The following SSH1 variants were observed in gnomAD, a reference collection of about 807,000 sequenced individuals.
The protein encoded by SSH1 is protein phosphatase Slingshot homolog 1.
In SSH1, 43 loss-of-function variants were observed where a neutral mutation model predicts 79.7. That is an observed-to-expected ratio of 0.54 (90% CI 0.42 to 0.70). The LOEUF (loss-of-function observed/expected upper bound fraction) is 0.70, where lower values mean the gene tolerates loss of function less well. Ranked by LOEUF, SSH1 falls within the 30% of genes least tolerant of loss-of-function variation. The probability of loss-of-function intolerance (pLI) is 0.00; values close to 1 mark genes in which losing one functional copy is unlikely to be tolerated. For missense variants in SSH1, 1,206 were observed against 1,358.8 expected, an observed-to-expected ratio of 0.89 and a Z score of 1.77; for synonymous variants, 599 against 538.3, an observed-to-expected ratio of 1.11 and a Z score of -1.56.
Position 108,817,024 on chromosome 12 carries a change from C to T in SSH1, c.401+14G>A. On this transcript the variant is annotated intron_variant, in intron 5 of 14. Coordinates refer to ENST00000326495, the MANE Select transcript of SSH1 (RefSeq NM_018984.4). ...CTCCCTCACAGAAGGGAACACCTAGCCCATCAGACTCACCTTTCCTTACTG... is the reference window on the plus strand; with the variant it reads ...CTCCCTCACAGAAGGGAACACCTAGTCCATCAGACTCACCTTTCCTTACTG... 1 of 1,613,770 alleles carries T rather than the reference C, an allele frequency of 6.2e-7. No homozygotes were observed.
chr12:108,802,434 G>T, intron 10 of SSH1, 66 bp from the exon 11 acceptor site: 1 of 1,488,996 alleles, frequency 6.7e-7, no homozygotes, highest in Non-Finnish European at 9.4e-7. Context: ...CTCAGGGGAT[G>T]CATGGTTTGC....
At chr12:108,818,451 C>G in intron 3 of SSH1, 138 bp from the exon 4 acceptor site, 1 of 718,202 alleles carries the variant, frequency 1.4e-6, no homozygotes, top group South Asian at 1.6e-5. Context: ...AGGAGAATCA[C>G]CACAAAAACT....
chr12:108,821,626 C>A (rs879553013), intron 3 of SSH1, among the ~76,000 whole-genome samples: 4 of 152,090 alleles, frequency 2.6e-5, no homozygotes, highest in Admixed American at 1.3e-4. Flanking sequence ...CGACCTGTTA[C>A]GGCTTAGTAA....
chr12:108,821,365 G>A (rs964083266), intron 3 of SSH1, among the ~76,000 whole-genome samples: 6 of 151,770 alleles, frequency 4.0e-5, no homozygotes, highest in African/African-American at 1.2e-4. Flanking sequence ...CTGCACGCCA[G>A]CCTGGGCAAG....
At chr12:108,789,339 G>C in intron 14 of SSH1, 95 bp from the exon 15 acceptor site, 1 of 1,327,462 alleles carries the variant, frequency 7.5e-7, no homozygotes, top group Non-Finnish European at 1.0e-6. Context: ...TGCGAGGCCG[G>C]ACTGGGGGCC....
chr12:108,792,236 T>C (rs2036535024), intron 14 of SSH1, 50 bp downstream of exon 14: 1 of 1,613,482 alleles, frequency 6.2e-7, no homozygotes, highest in African/African-American at 1.3e-5. Context: ...CCAATTAGAG[T>C]GGGATGGAAG....
At chr12:108,826,670 G>GCCCTCTGC (rs938211157) in intron 2 of SSH1, among the ~76,000 whole-genome samples, 1 of 152,102 alleles carries the variant, frequency 6.6e-6, no homozygotes, top group Non-Finnish European at 1.5e-5. Context: ...AGCCTCATGC[G>GCCCTCTGC]CCCTCTGCGT....
At chr12:108,791,855 A>T in intron 14 of SSH1, 1 of 1,027,156 alleles carries the variant, frequency 9.7e-7, no homozygotes, top group Non-Finnish European at 1.2e-6. Flanking sequence ...CAGGATCATC[A>T]GGGGTGTGGG....
Position 108,807,962 on chromosome 12 carries a change from G to GTCTC in SSH1, c.537-139_537-136dup. The GTCTC allele has an allele frequency of 1.3e-6, 1 of 796,004 alleles. No homozygotes were observed. The highest frequency in any genetic ancestry group is 2.7e-5 in the East Asian group (1 of 37,170). 49.3% of individuals were successfully genotyped at this position (796,004 alleles called of 1,614,324 possible). A position where few individuals can be genotyped will look rare whatever the true frequency, so the allele number is the denominator to read the frequency against. Reference sequence around the variant, plus strand: ...GTTGATTATTTCTTTTTGGGACAGAGTCTCGCTCTGTCACTCCCAGGCTAG... The same window carrying GTCTC: ...GTTGATTATTTCTTTTTGGGACAGAGTCTCTCTCGCTCTGTCACTCCCAGGCTAG... On this transcript the variant is annotated intron_variant, in intron 7 of 14. Coordinates refer to ENST00000326495, the MANE Select transcript of SSH1 (RefSeq NM_018984.4). This position sits in a 1 kb window ranked among gnomAD's most constrained non-coding sequence, Gnocchi z 5.2.
intron 2 of SSH1, among the ~76,000 whole-genome samples, chr12:108,830,390 T>TGCACTG (rs2038444011): frequency 6.6e-6 from 1 of 152,140 alleles, no homozygotes; most frequent in Non-Finnish European, 1.5e-5. Flanking sequence ...AGGTCGAGGC[T>TGCACTG]GCACTGAGTG....
In SSH1 at chr12:108,792,699, AG is replaced by A. The variant is rs1191440085; in HGVS notation, c.1479del (p.Phe494SerfsTer10). The A allele has an allele frequency of 6.2e-7, 1 of 1,613,248 alleles. No homozygotes were observed. The highest frequency in any genetic ancestry group is 8.5e-7 in the Non-Finnish European group (1 of 1,180,022). On this transcript the variant is annotated frameshift_variant, in exon 14 of 15. Transcript: ENST00000326495. LOFTEE classifies it high-confidence loss of function. ...CCGGGCTGGGCGGCATCATCCAAGA[AG>A]GGCAGCTGGCTTTCCGGGGTGCCAT... is the stretch of plus-strand genomic sequence containing the variant. The part of the protein sequence containing the change: ...TPDGTPESQL[P>X]FLDDAAQPGL...
In SSH1 at chr12:108,787,815, G is replaced by A; in HGVS notation, c.*173C>T. On this transcript the variant is annotated 3_prime_UTR_variant, in exon 15 of 15. Transcript: ENST00000326495. ...GACTGACAGCTCCCCTTCTTGTGCT[G>A]CATGTTGGTTAGTTTCTTCTCCTCC... 1.2e-6 allele frequency: 1 copy of A among 818,158 alleles called. No individual in the cohort carries two copies. The highest frequency in any genetic ancestry group is 1.9e-6 in the Non-Finnish European group (1 of 524,862). 50.7% of individuals were successfully genotyped at this position (818,158 alleles called of 1,614,324 possible).
At chr12:108,806,921 G>A (rs1220992984) in intron 8 of SSH1, among the ~76,000 whole-genome samples, 3 of 152,180 alleles carry the variant, frequency 2.0e-5, no homozygotes, top group African/African-American at 4.8e-5. Flanking sequence ...CCCTTCCTCC[G>A]TGATTTCAAG....
At chr12:108,835,805 A>G (rs1236675301) in intron 2 of SSH1, among the ~76,000 whole-genome samples, 1 of 150,642 alleles carries the variant, frequency 6.6e-6, no homozygotes, top group African/African-American at 2.4e-5. Flanking sequence ...AAGGAATGAA[A>G]TATTAAACAT....
At chr12:108,833,892 G>A (rs990337225) in intron 2 of SSH1, 1 of 152,266 alleles carries the variant, frequency 6.6e-6, no homozygotes. Context: ...CTGGTGAGAA[G>A]AATCAGGACA....
intron 8 of SSH1, among the ~76,000 whole-genome samples, 169 bp from the exon 9 acceptor site, chr12:108,806,563 G>A (rs1051100613): frequency 6.6e-6 from 1 of 152,192 alleles, no homozygotes; most frequent in Non-Finnish European, 1.5e-5. Context: ...CAGAAAACCC[G>A]CTGCAGCTCT....
Position 108,812,186 on chromosome 12 carries a change from G to A in SSH1, c.402-858C>T, listed in dbSNP as rs540382537. Among the ~76,000 whole-genome samples, 18 of 152,324 alleles carry A rather than the reference G, an allele frequency of 1.2e-4. No homozygotes were observed. In the East Asian group the frequency reaches 2.7e-3, roughly 23 times the overall value. ...CGGCCAATGACACTCAGGCTTTTGG[G>A]TTGGGCAAATTCTCAGGTCCCTCCG... is the stretch of plus-strand genomic sequence containing the variant. On this transcript the variant is annotated intron_variant, in intron 5 of 14. Coordinates refer to ENST00000326495, the MANE Select transcript of SSH1 (RefSeq NM_018984.4).
At chr12:108,811,747 G>A (rs141600615) in intron 5 of SSH1, 10 of 277,438 alleles carry the variant, frequency 3.6e-5, no homozygotes, top group African/African-American at 6.5e-5. Context: ...GTGCACCTGC[G>A]CCTTTAGTGT....
intron 12 of SSH1, among the ~76,000 whole-genome samples, chr12:108,800,349 G>A (rs764009202): frequency 1.5e-4 from 23 of 152,116 alleles, no homozygotes; most frequent in Admixed American, 2.6e-4. Flanking sequence ...TTCTTAGGGA[G>A]ACAGTCCCAA....
Sources: gnomAD v4.1 joint callset for allele counts (sites outside exome capture counted in the v4.1 genomes callset) on GRCh38, gnomAD v4.1.1 for gene constraint, Gnocchi (gnomAD v3.1) non-coding constraint, MANE v1.5 for transcripts, NCBI Gene and HGNC (gene_info 2026-07-23, HGNC 2026-07-21) for gene names.